The following NFATC1 variants were observed in gnomAD, a reference collection of about 807,000 sequenced individuals.
NFATC1 encodes nuclear factor of activated T cells 1, also known as nuclear factor of activated T-cells, cytoplasmic 1.
NFATC1 carries 22 observed loss-of-function variants against 76.0 expected under a neutral mutation model. That is an observed-to-expected ratio of 0.29 (90% confidence interval 0.21 to 0.41). NFATC1 has a LOEUF of 0.41. Ranked by LOEUF, NFATC1 falls within the 10% of genes least tolerant of loss-of-function variation. The pLI, the probability that NFATC1 is intolerant of heterozygous loss-of-function variation, is 1.00. For missense variants in NFATC1, 1,357 were observed against 1,337.7 expected (o/e 1.01, Z -0.23); for synonymous variants, 704 against 613.1 (o/e 1.15, Z -2.19).
chr18:79,482,682 GTAATTCCAGCA>G (rs1305328034), intron 8 of NFATC1, among the ~76,000 whole-genome samples: 5 of 136,750 alleles, frequency 3.7e-5, no homozygotes, highest in Non-Finnish European at 7.9e-5. Context: ...GTCCTGGGGT[GTAATTCCAGCA>G]TGACCTGGTT....
At chr18:79,516,234 CTG>C (rs1452066952) in intron 9 of NFATC1, among the ~76,000 whole-genome samples, 12 of 152,184 alleles carry the variant, frequency 7.9e-5, no homozygotes, top group Non-Finnish European at 1.6e-4. Context: ...TTTATGAAAA[CTG>C]TGACTTGTCA....
chr18:79,408,318 A>T (rs1405960005), intron 1 of NFATC1, among the ~76,000 whole-genome samples: 2 of 152,188 alleles, frequency 1.3e-5, no homozygotes, highest in Non-Finnish European at 1.5e-5. Context: ...GCTTGTTTGT[A>T]TTATTTAGAG....
At chr18:79,400,443 A>G in intron 1 of NFATC1, 1 of 1,491,504 alleles carries the variant, frequency 6.7e-7, no homozygotes, top group Non-Finnish European at 8.9e-7. Context: ...CTTCGAGTTT[A>G]ACCAGCGCGA....
intron 8 of NFATC1, among the ~76,000 whole-genome samples, chr18:79,482,378 C>T (rs2089311609): frequency 8.2e-6 from 1 of 122,350 alleles, no homozygotes; most frequent in African/African-American, 3.2e-5. Context: ...GTGACGTGGT[C>T]CTGGGGTGTC....
intron 8 of NFATC1, among the ~76,000 whole-genome samples, chr18:79,475,092 C>CATT (rs2088999472): frequency 7.7e-6 from 1 of 129,674 alleles, no homozygotes; most frequent in African/African-American, 3.2e-5. Flanking sequence ...ACTCACTCGA[C>CATT]GTGAGGGAAG....
chr18:79,462,410 C>T (rs973121973), intron 7 of NFATC1, among the ~76,000 whole-genome samples: 3 of 152,120 alleles, frequency 2.0e-5, no homozygotes, highest in African/African-American at 4.8e-5. Flanking sequence ...GATCTCGGCT[C>T]ACTGCAACCT....
At chr18:79,479,368 T>A (rs370933447) in intron 8 of NFATC1, among the ~76,000 whole-genome samples, 1 of 150,754 alleles carries the variant, frequency 6.6e-6, no homozygotes, top group East Asian at 1.9e-4. Flanking sequence ...GAACTGGGCC[T>A]GTGCGGCCCC....
intron 3 of NFATC1, among the ~76,000 whole-genome samples, chr18:79,444,888 G>A (rs1002184226): frequency 5.9e-5 from 9 of 152,250 alleles, no homozygotes; most frequent in African/African-American, 1.9e-4. Context: ...GGAAGTGGAC[G>A]CTGCGTGGCT....
At chr18:79,464,413 C>T (rs757369513) in intron 7 of NFATC1, among the ~76,000 whole-genome samples, 1 of 151,876 alleles carries the variant, frequency 6.6e-6, no homozygotes, top group Non-Finnish European at 1.5e-5. Context: ...CATTTTTAAT[C>T]TCTTAAATGG....
intron 2 of NFATC1, among the ~76,000 whole-genome samples, chr18:79,415,027 T>G (rs921404538): frequency 2.0e-5 from 3 of 152,198 alleles, no homozygotes; most frequent in Non-Finnish European, 4.4e-5. Flanking sequence ...TTCGGCCTCC[T>G]CCACCTGGGC....
intron 2 of NFATC1, among the ~76,000 whole-genome samples, chr18:79,420,627 G>C (rs1387462320): frequency 1.3e-5 from 2 of 151,940 alleles, no homozygotes; most frequent in Non-Finnish European, 2.9e-5. Flanking sequence ...GAGGGGAAGA[G>C]GTGGATGCGT....
At chr18:79,436,519 C>T (rs1040086314) in intron 3 of NFATC1, among the ~76,000 whole-genome samples, 11 of 150,842 alleles carry the variant, frequency 7.3e-5, no homozygotes, top group Middle Eastern at 3.4e-3. Flanking sequence ...GCCCGGTATC[C>T]CCGTCCTCCC....
At chr18:79,479,798 C>G (rs150723095) in intron 8 of NFATC1, among the ~76,000 whole-genome samples, 1 of 152,234 alleles carries the variant, frequency 6.6e-6, no homozygotes, top group Non-Finnish European at 1.5e-5. Flanking sequence ...GGCTGTGCTT[C>G]GCGGCAGTGC....
Position 79,448,421 on chromosome 18 carries a change from G to C in NFATC1, c.1387-361G>C, listed in dbSNP as rs933783216. 9 of 302,182 alleles carry C rather than the reference G, an allele frequency of 3.0e-5. No homozygotes were observed. In the East Asian group the frequency reaches 7.1e-4, roughly 24 times the overall value. 18.7% of individuals were successfully genotyped at this position (302,182 alleles called of 1,614,324 possible). ...AGGAAGGTGGGTCATGTCCTGCGGG[G>C]CCTCATCTGGATTTATTGGTGAAGC... On this transcript the variant is annotated intron_variant, in intron 3 of 9. Transcript: ENST00000427363.
chr18:79,482,653 G>A (rs1182739605), intron 8 of NFATC1, among the ~76,000 whole-genome samples: 3 of 128,178 alleles, frequency 2.3e-5, no homozygotes, highest in African/African-American at 5.7e-5. Flanking sequence ...TTCCTGGGGT[G>A]TAATTCCAGC....
At chr18:79,400,292 G>T in intron 1 of NFATC1, 1 of 1,242,266 alleles carries the variant, frequency 8.0e-7, no homozygotes. Flanking sequence ...GGGGAGGGGC[G>T]GGGGTCACGT....
intron 3 of NFATC1, among the ~76,000 whole-genome samples, chr18:79,446,294 T>C (rs911997858): frequency 6.6e-6 from 1 of 152,198 alleles, no homozygotes; most frequent in South Asian, 2.1e-4. Context: ...ATTCACAGCA[T>C]TCCACACACC....
chr18:79,423,748 C>T (rs2086183075), intron 2 of NFATC1, among the ~76,000 whole-genome samples: 1 of 152,206 alleles, frequency 6.6e-6, no homozygotes, highest in African/African-American at 2.4e-5. Context: ...GCTTCTCATC[C>T]ACCGATTCCA....
At chr18:79,509,200 C>T (rs2090187095) in intron 9 of NFATC1, among the ~76,000 whole-genome samples, 1 of 152,214 alleles carries the variant, frequency 6.6e-6, no homozygotes, top group African/African-American at 2.4e-5. Context: ...GTCCTTTCCC[C>T]GCCGTCCACT....
Sources: gnomAD v4.1 joint callset for allele counts (sites outside exome capture counted in the v4.1 genomes callset) on GRCh38, gnomAD v4.1.1 for gene constraint, MANE v1.5 for transcripts, NCBI Gene and HGNC (gene_info 2026-07-23, HGNC 2026-07-21) for gene names.